The following OTOGL variants were observed in gnomAD, a reference collection of about 807,000 sequenced individuals.
OTOGL encodes the protein otogelin like.
Under a neutral mutation model 318.5 loss-of-function variants are expected in OTOGL, and 285 were observed. The observed-to-expected ratio is 0.89, with a 90% CI of 0.81 to 0.99. OTOGL has a LOEUF of 0.99. Ranked by LOEUF, OTOGL falls within the 50% of genes least tolerant of loss-of-function variation. The probability of loss-of-function intolerance (pLI) is 0.00; values close to 1 mark genes in which losing one functional copy is unlikely to be tolerated. For synonymous variants in OTOGL, 987 were observed against 936.5 expected, an observed-to-expected ratio of 1.05 and a Z score of -0.99; for missense variants, 2,899 against 2,845.6, an observed-to-expected ratio of 1.02 and a Z score of -0.43.
intron 1 of OTOGL, among the ~76,000 whole-genome samples, chr12:80,169,561 T>G (rs923105893): frequency 6.6e-6 from 1 of 152,230 alleles, no homozygotes; most frequent in African/African-American, 2.4e-5. Flanking sequence ...CAATTTTTTT[T>G]GCTATGCAGT....
chr12:80,297,307 A>C (rs1214485718), intron 27 of OTOGL, among the ~76,000 whole-genome samples: 5 of 149,462 alleles, frequency 3.3e-5, no homozygotes, highest in African/African-American at 1.2e-4. Context: ...ATACTGCAGC[A>C]TAGGTAGTTT....
At chr12:80,124,141 G>C (rs1260722790) in intron 1 of OTOGL, among the ~76,000 whole-genome samples, 1 of 152,142 alleles carries the variant, frequency 6.6e-6, no homozygotes, top group African/African-American at 2.4e-5. Flanking sequence ...GTGTTGCCTA[G>C]GTTTTCTTCT....
chr12:80,227,037 C>G (rs545012230), intron 7 of OTOGL, among the ~76,000 whole-genome samples: 8 of 152,152 alleles, frequency 5.3e-5, no homozygotes, highest in Admixed American at 4.6e-4. Flanking sequence ...AATTTCCTTT[C>G]CCATTCTTTT....
In OTOGL at chr12:80,308,798, C is replaced by A. The variant is rs565998635; in HGVS notation, c.3334-1813C>A. On this transcript the variant is annotated intron_variant, in intron 29 of 58. Transcript: ENST00000547103. ...CGGCCAACACAGCGAATCCCCGTCT[C>A]CACCAAAAAAATACAAAAACCAGTC... Among the ~76,000 whole-genome samples the A allele has an allele frequency of 5.3e-3, 805 of 152,318 alleles. 6 individuals are homozygous for A. Among genetic ancestry groups the A allele is most frequent in the African/African-American group, 0.018 (754 of 41,574 alleles).
Position 80,372,025 on chromosome 12 carries a change from G to T in OTOGL, c.6742G>T (p.Gly2248Trp). Reference sequence around the variant, plus strand: ...TGCTTTTTTCTCTTTCTAGAATGAAGGGATTGTGAAGCTTTATAATGAAGG... The same window carrying T: ...TGCTTTTTTCTCTTTCTAGAATGAATGGATTGTGAAGCTTTATAATGAAGG... ...FNETECKMNE[G>W]IVKLYNEGCC... The change falls in exon 57 of 59, where the codon GGG becomes TGG. Residue 2248 changes from glycine to tryptophan, a missense_variant. Gly to Trp is a radical substitution (Grantham distance 184). Coordinates refer to ENST00000547103, the MANE Select transcript of OTOGL (RefSeq NM_001378609.3). 6.5e-7 allele frequency: 1 copy of T among 1,549,602 alleles called. No individual in the cohort carries two copies. Among genetic ancestry groups the T allele is most frequent in the South Asian group, 1.2e-5 (1 of 82,034 alleles).
intron 1 of OTOGL, among the ~76,000 whole-genome samples, chr12:80,197,933 A>C (rs185255087): frequency 1.3e-5 from 2 of 152,274 alleles, no homozygotes; most frequent in East Asian, 3.9e-4. Flanking sequence ...GTAGTATAAA[A>C]ATTTCTTTCT....
chr12:80,357,274 T>C (rs879660519), intron 49 of OTOGL, among the ~76,000 whole-genome samples: 10 of 152,172 alleles, frequency 6.6e-5, no homozygotes, highest in Non-Finnish European at 1.3e-4. Context: ...TCTTTAAAAC[T>C]TCATGTCCTG....
chr12:80,280,619 T>C (rs1461409027), intron 26 of OTOGL, among the ~76,000 whole-genome samples: 1 of 151,984 alleles, frequency 6.6e-6, no homozygotes, highest in Non-Finnish European at 1.5e-5. Flanking sequence ...TATGTGGCTA[T>C]GTTTTTGGGT....
intron 1 of OTOGL, among the ~76,000 whole-genome samples, chr12:80,182,228 C>A (rs777868610): frequency 6.6e-5 from 10 of 152,096 alleles, no homozygotes; most frequent in Non-Finnish European, 1.5e-4. Flanking sequence ...CATATTCTTG[C>A]CCCTAAATGT....
rs1391813221 is a variant in OTOGL, at chr12:80,271,736, A to G, written c.2607A>G (p.Thr869=). ...LPAGGVNCET[T]CANLAMNFTC... ...CTGGTGGTGTTAATTGTGAGACTAC[A>G]TGTGCAAACCTAGCCATGAACTTCA... The change falls in exon 24 of 59, where the codon ACA becomes ACG. Residue 869 remains threonine (T), a synonymous_variant. Transcript: ENST00000547103. 2 of 1,613,042 alleles carry G rather than the reference A, an allele frequency of 1.2e-6. No homozygotes were observed. The highest frequency in any genetic ancestry group is 1.7e-6 in the Non-Finnish European group (2 of 1,179,432).
At chr12:80,303,357 G>A (rs1175629847) in intron 28 of OTOGL, among the ~76,000 whole-genome samples, 1 of 152,054 alleles carries the variant, frequency 6.6e-6, no homozygotes, top group Non-Finnish European at 1.5e-5. Context: ...AGGTTTCACC[G>A]TGTTAGCCAG....
intron 26 of OTOGL, among the ~76,000 whole-genome samples, chr12:80,282,524 C>T (rs1216177125): frequency 2.0e-5 from 3 of 150,632 alleles, no homozygotes; most frequent in Non-Finnish European, 4.4e-5. Flanking sequence ...GGTAAGTTGC[C>T]TATAGGGTAT....
intron 1 of OTOGL, among the ~76,000 whole-genome samples, chr12:80,192,593 A>G (rs752543880): frequency 1.3e-5 from 2 of 152,238 alleles, no homozygotes; most frequent in Non-Finnish European, 2.9e-5. Flanking sequence ...TTTCTCCAAG[A>G]TGCTGTGAAG....
intron 1 of OTOGL, among the ~76,000 whole-genome samples, chr12:80,122,190 T>G (rs1219652112): frequency 6.6e-6 from 1 of 152,140 alleles, no homozygotes; most frequent in African/African-American, 2.4e-5. Context: ...ACAGTTAGAA[T>G]TAATATACAT....
chr12:80,153,713 C>T (rs576614287), intron 1 of OTOGL, among the ~76,000 whole-genome samples: 11 of 152,178 alleles, frequency 7.2e-5, no homozygotes, highest in Non-Finnish European at 1.5e-4. Context: ...CTGCATCCCT[C>T]CTCTATACCC....
chr12:80,140,042 A>G (rs745989894), intron 1 of OTOGL, among the ~76,000 whole-genome samples: 7 of 152,080 alleles, frequency 4.6e-5, no homozygotes. Context: ...AATCCCAACT[A>G]CTGTATTCTT....
intron 7 of OTOGL, among the ~76,000 whole-genome samples, chr12:80,229,034 C>T (rs967298951): frequency 2.0e-5 from 3 of 152,108 alleles, no homozygotes; most frequent in Non-Finnish European, 4.4e-5. Flanking sequence ...AGATTCAAAT[C>T]GTTCAAAAAT....
In OTOGL at chr12:80,265,197, G is replaced by T. The variant is rs781120716; in HGVS notation, c.2211G>T (p.Gln737His). The T allele has an allele frequency of 6.2e-7, 1 of 1,613,404 alleles. No individual in the cohort carries two copies. The highest frequency in any genetic ancestry group is 8.5e-7 in the Non-Finnish European group (1 of 1,179,654). The change falls in exon 20 of 59, where the codon CAG (glutamine) becomes CAT (histidine). Residue 737 changes from glutamine (Q) to histidine (H), a missense_variant. Gln to His is a conservative substitution (Grantham distance 24). This residue lies in a region of OTOGL where 2,607 missense variants were observed against 2,524.9 expected (regional missense o/e 1.03). Transcript: ENST00000547103. ...QHGVPIDFRT[Q>H]ISFCAVVCQK... ...GTGTTCCCATTGATTTCAGAACTCA[G>T]ATTTCTTTCTGTGGTGAGTACAATG...
chr12:80,209,566 A>G (rs2137305936), intron 2 of OTOGL, 56 bp downstream of exon 2: 4 of 1,183,430 alleles, frequency 3.4e-6, no homozygotes, highest in South Asian at 1.4e-5. Context: ...TTTCTCTTAC[A>G]ATTTATACAA....
Sources: allele counts gnomAD v4.1 joint callset (sites outside exome capture counted in the v4.1 genomes callset), GRCh38; gene constraint gnomAD v4.1.1; regional missense constraint gnomAD v4.1.1; transcripts MANE v1.5; gene names NCBI Gene and HGNC (gene_info 2026-07-23, HGNC 2026-07-21).